The following TEAD2 variants were observed in gnomAD, a reference collection of about 807,000 sequenced individuals.
TEAD2 encodes TEA domain transcription factor 2.
A neutral mutation model predicts 61.4 loss-of-function variants in TEAD2; 51 were observed. The ratio of observed to expected loss-of-function variants is 0.83; its 90% CI spans 0.66 to 1.05. The LOEUF (loss-of-function observed/expected upper bound fraction) is 1.05, where lower values mean the gene tolerates loss of function less well. Ranked by LOEUF, TEAD2 falls within the 50% of genes least tolerant of loss-of-function variation. The pLI, the probability that TEAD2 is intolerant of heterozygous loss-of-function variation, is 0.00. For synonymous variants in TEAD2, 244 were observed against 243.2 expected (o/e 1.00, Z -0.03); for missense variants, 509 against 600.0 (o/e 0.85, Z 1.58).
rs553837650 is a variant in TEAD2 at position 49,342,090 on chromosome 19, G to A, written c.1242+348C>T. ...GCCTGTAATCCCAGCTACTCGGGAG[G>A]CTGAGGCAGGAGAATCACTTGAACC... On this transcript the variant is annotated intron_variant, in intron 12 of 12. Coordinates refer to ENST00000593945, the MANE Select transcript of TEAD2 (RefSeq NM_001256660.2). Among the ~76,000 whole-genome samples the A allele has an allele frequency of 2.0e-5, 3 of 152,254 alleles. No homozygotes were observed. In the East Asian group the frequency reaches 5.8e-4, roughly 29 times the overall value.
chr19:49,351,182 CAAAACAAAAT>C (rs1971996331), intron 8 of TEAD2, 109 bp downstream of exon 8: 6 of 1,081,100 alleles, frequency 5.5e-6, no homozygotes, highest in Admixed American at 5.6e-5. Flanking sequence ...CATCTCAAAA[CAAAACAAAAT>C]AAAACAAAAA....
rs1329613321 is a variant in TEAD2, at chr19:49,347,328, G to A, written c.783C>T (p.His261=). ...QRHLFVHISQ[H]CPSPGAPPLE... ...GCGGCGGCGCTCCGGGGCTGGGGCA[G>A]TGCTGGCTGATGTGCACGAACAGGT... Residue 261 remains histidine, a synonymous_variant, in exon 10 of 13, where the codon CAC becomes CAT. Transcript: ENST00000593945. 1 of 1,612,504 alleles carries A rather than the reference G, an allele frequency of 6.2e-7. No individual in the cohort carries two copies. Among genetic ancestry groups the A allele is most frequent in the Non-Finnish European group, 8.5e-7 (1 of 1,180,010 alleles).
rs372762598 is a variant in TEAD2 at position 49,347,301 on chromosome 19, G to T, written c.810C>A (p.Leu270=). The T allele has an allele frequency of 6.2e-7, 1 of 1,613,554 alleles. No homozygotes were observed. Among genetic ancestry groups the T allele is most frequent in the South Asian group, 1.1e-5 (1 of 91,074 alleles). The change falls in exon 10 of 13, where the codon CTC becomes CTA. Residue 270 remains leucine, a synonymous_variant. Transcript: ENST00000593945. ...AGATCTGCCGGACGTCCACACTCTC[G>T]AGCGGCGGCGCTCCGGGGCTGGGGC... ...QHCPSPGAPP[L]ESVDVRQIYD... is the part of the protein sequence containing the mutation.
chr19:49,341,555 G>A lies in TEAD2; in HGVS notation c.1243-118C>T, dbSNP rs1568555994. On this transcript the variant is annotated intron_variant, in intron 12 of 12. Coordinates refer to ENST00000593945, the MANE Select transcript of TEAD2 (RefSeq NM_001256660.2). The surrounding 1 kb of genome is among the most constrained non-coding windows in gnomAD (Gnocchi z 4.2). ...GGCTCTTTTCCATCTCCAGGAAACA[G>A]GCCGCCACCATATCATGTTCCCCAG... 5.1e-6 allele frequency: 4 copies of A among 783,252 alleles called. No homozygotes were observed. The highest frequency in any genetic ancestry group is 6.3e-6 in the Non-Finnish European group (3 of 473,044). The allele number at this position is 783,252 out of a possible 1,614,324, so 48.5% of individuals were successfully genotyped here. A position where few individuals can be genotyped will look rare whatever the true frequency, so the allele number is the denominator to read the frequency against.
intron 3 of TEAD2, chr19:49,357,534 T>G: frequency 3.4e-6 from 2 of 589,382 alleles, no homozygotes; most frequent in Non-Finnish European, 3.0e-6. Flanking sequence ...CCAGGCCTCC[T>G]TCCCCTCCAC....
chr19:49,346,165 C>CAAAA (rs10684078), intron 10 of TEAD2, among the ~76,000 whole-genome samples: 8 of 44,396 alleles, frequency 1.8e-4, no homozygotes, highest in African/African-American at 4.9e-4. Context: ...AATTCCATCT[C>CAAAA]AAAAAAAAAA....
intron 9 of TEAD2, among the ~76,000 whole-genome samples, chr19:49,347,990 A>G (rs758391160): frequency 2.0e-5 from 3 of 152,212 alleles, no homozygotes; most frequent in Non-Finnish European, 4.4e-5. Context: ...GTTCTGGCCA[A>G]TGGGATGTGA....
rs962621638 is a variant in TEAD2 at position 49,341,898 on chromosome 19, G to T, written c.1243-461C>A. On this transcript the variant is annotated intron_variant, in intron 12 of 12. Transcript: ENST00000593945. This position sits in a 1 kb window ranked among gnomAD's most constrained non-coding sequence, Gnocchi z 4.2. ...AGGGAAGGAGGGACCCACCTTATGT[G>T]CGAGTGCTGTGGGGCTGGGCGTGGT... Among the ~76,000 whole-genome samples the T allele has an allele frequency of 6.6e-6, 1 of 152,118 alleles. No individual in the cohort carries two copies. The highest frequency in any genetic ancestry group is 6.5e-5 in the Admixed American group (1 of 15,268).
intron 9 of TEAD2, among the ~76,000 whole-genome samples, chr19:49,347,588 T>G (rs1421506038): frequency 6.6e-6 from 1 of 151,536 alleles, no homozygotes; most frequent in Non-Finnish European, 1.5e-5. Context: ...CTGCCACAAC[T>G]CCCCCAACTC....
chr19:49,342,381 A>G, intron 12 of TEAD2, 57 bp downstream of exon 12: 2 of 1,589,402 alleles, frequency 1.3e-6, no homozygotes, highest in South Asian at 2.2e-5. Flanking sequence ...AGGGTCTGTT[A>G]TAGGTACTGT....
chr19:49,342,406 G>A (rs371874739), intron 12 of TEAD2, 32 bp downstream of exon 12: 2 of 1,608,010 alleles, frequency 1.2e-6, no homozygotes, highest in Non-Finnish European at 1.7e-6. Context: ...CCACACTGGG[G>A]GGCCCCACTC....
intron 10 of TEAD2, among the ~76,000 whole-genome samples, chr19:49,344,058 G>C (rs1483216560): frequency 6.6e-6 from 1 of 151,922 alleles, no homozygotes; most frequent in Non-Finnish European, 1.5e-5. Context: ...TGTTGCCCAG[G>C]CTGGTCTCCA....
rs779655419 is a variant in TEAD2 at position 49,359,994 on chromosome 19, C to T, written c.82G>A (p.Gly28Ser). 3 of 1,609,528 alleles carry T rather than the reference C, an allele frequency of 1.9e-6. No homozygotes were observed. Among genetic ancestry groups the T allele is most frequent in the African/African-American group, 1.3e-5 (1 of 74,938 alleles). The change falls in exon 2 of 13, where the codon GGC becomes AGC. Residue 28 changes from glycine to serine, a missense_variant. Coordinates refer to ENST00000593945, the MANE Select transcript of TEAD2 (RefSeq NM_001256660.2). The surrounding 1 kb of genome is among the most constrained non-coding windows in gnomAD (Gnocchi z 4.1). ...GSEEGSEEGT[G>S]GSEGAGGDGG... Reference sequence around the variant, plus strand: ...TCACCCCCAGCCCCCTCACTGCCGCCGGTACCCTCCTCACTGCCTTCCTCA... The same window carrying T: ...TCACCCCCAGCCCCCTCACTGCCGCTGGTACCCTCCTCACTGCCTTCCTCA...
intron 7 of TEAD2, among the ~76,000 whole-genome samples, chr19:49,354,105 C>A (rs960179683): frequency 1.3e-5 from 2 of 151,494 alleles, no homozygotes; most frequent in African/African-American, 4.8e-5. Flanking sequence ...GCCCTCACTA[C>A]ACTCTTTCTC....
rs1972672079 is a variant in TEAD2 at position 49,359,573 on chromosome 19, GA to G, written c.233-75del. On this transcript the variant is annotated intron_variant, in intron 2 of 12. Transcript: ENST00000593945. The surrounding 1 kb of genome is among the most constrained non-coding windows in gnomAD (Gnocchi z 4.1). ...TCCCCACAGCATGGACACCAGGGAA[GA>G]AGAAAGCAGCATGGGTCCCCAAAGG... is the stretch of plus-strand genomic sequence containing the variant. The G allele has an allele frequency of 6.5e-7, 1 of 1,544,426 alleles. No homozygotes were observed. Among genetic ancestry groups the G allele is most frequent in the African/African-American group, 1.4e-5 (1 of 73,558 alleles).
At chr19:49,342,209 G>C (rs1437969767) in intron 12 of TEAD2, among the ~76,000 whole-genome samples, 1 of 138,622 alleles carries the variant, frequency 7.2e-6, no homozygotes, top group African/African-American at 2.8e-5. Context: ...AAAAGAGAGA[G>C]AGTGCTGTGA....
At chr19:49,351,115 G>T (rs1171009233) in intron 8 of TEAD2, among the ~76,000 whole-genome samples, 186 bp downstream of exon 8, 1 of 152,068 alleles carries the variant, frequency 6.6e-6, no homozygotes, top group Non-Finnish European at 1.5e-5. Context: ...GGAGGCGGAG[G>T]TTGCAGTGAG....
Position 49,340,692 on chromosome 19 carries a change from G to C in TEAD2, c.*632C>G, listed in dbSNP as rs980255927. 2.4e-6 allele frequency: 1 copy of C among 418,858 alleles called. No individual in the cohort carries two copies. Among genetic ancestry groups the C allele is most frequent in the Non-Finnish European group, 4.5e-6 (1 of 224,542 alleles). 25.9% of individuals were successfully genotyped at this position (418,858 alleles called of 1,614,324 possible). Reference sequence around the variant, plus strand: ...TCTAGCTCAGGGCTCACTTAGGAGAGGGATGAGATTAGAAAGTTCAACACA... The same window carrying C: ...TCTAGCTCAGGGCTCACTTAGGAGACGGATGAGATTAGAAAGTTCAACACA... On this transcript the variant is annotated 3_prime_UTR_variant, in exon 13 of 13. Coordinates refer to ENST00000593945, the MANE Select transcript of TEAD2 (RefSeq NM_001256660.2).
chr19:49,359,228 A>G lies in TEAD2; in HGVS notation c.297+207T>C, dbSNP rs1407947380. The G allele has an allele frequency of 3.5e-6, 2 of 565,346 alleles. No individual in the cohort carries two copies. The highest frequency in any genetic ancestry group is 6.4e-6 in the Non-Finnish European group (2 of 313,578). 35.0% of individuals were successfully genotyped at this position (565,346 alleles called of 1,614,324 possible). A position where few individuals can be genotyped will look rare whatever the true frequency, so the allele number is the denominator to read the frequency against. ...ACTCCGGCCTGGGCAACAGAGCTAG[A>G]CTCCATTTCAAAAAATAAACAAATA... is the stretch of plus-strand genomic sequence containing the variant. On this transcript the variant is annotated intron_variant, in intron 3 of 12. Transcript: ENST00000593945. This position sits in a 1 kb window ranked among gnomAD's most constrained non-coding sequence, Gnocchi z 4.1.
Sources: gnomAD v4.1 joint callset for allele counts (sites outside exome capture counted in the v4.1 genomes callset) on GRCh38, gnomAD v4.1.1 for gene constraint, Gnocchi (gnomAD v3.1) non-coding constraint, MANE v1.5 for transcripts, NCBI Gene and HGNC (gene_info 2026-07-23, HGNC 2026-07-21) for gene names.